The following TPTE variants were observed in gnomAD, a reference collection of about 807,000 sequenced individuals.
TPTE encodes putative tyrosine-protein phosphatase TPTE.
TPTE carries 59 observed loss-of-function variants against 84.1 expected under a neutral mutation model. The observed-to-expected ratio is 0.70, with a 90% CI of 0.57 to 0.87. The LOEUF (loss-of-function observed/expected upper bound fraction) is 0.87. Among genes scored for constraint, TPTE ranks in the 40% least tolerant of loss-of-function variants. TPTE has a pLI of 0.00. For missense variants in TPTE, 382 were observed against 659.6 expected, an observed-to-expected ratio of 0.58 and a Z score of 4.61; for synonymous variants, 130 against 223.5, an observed-to-expected ratio of 0.58 and a Z score of 3.73.
intron 10 of TPTE, among the ~76,000 whole-genome samples, chr21:10,561,406 C>T (rs1412728372): frequency 7.9e-5 from 12 of 151,568 alleles, no homozygotes; most frequent in South Asian, 2.1e-4. Context: ...GCAGGAGAAT[C>T]GTTTGAACCT....
At chr21:10,603,924 G>A (rs1218640244) in intron 23 of TPTE, among the ~76,000 whole-genome samples, 1 of 152,312 alleles carries the variant, frequency 6.6e-6, no homozygotes, top group African/African-American at 2.4e-5. Context: ...TCCCAGAGAA[G>A]TTCAATATGA....
intron 21 of TPTE, among the ~76,000 whole-genome samples, chr21:10,600,126 AT>A (rs1454812954): frequency 6.7e-6 from 1 of 150,112 alleles, no homozygotes; most frequent in Non-Finnish European, 1.5e-5. Flanking sequence ...TGTTTTTCCA[AT>A]TTTTTTCTTT....
intron 3 of TPTE, among the ~76,000 whole-genome samples, chr21:10,537,084 G>T (rs1390195493): frequency 2.6e-5 from 4 of 152,302 alleles, no homozygotes; most frequent in East Asian, 1.9e-4. Flanking sequence ...CACCTATAAT[G>T]GCAAAAACAA....
chr21:10,567,546 C>T lies in TPTE; in HGVS notation c.447-124C>T, dbSNP rs1037327804. 1.4e-5 allele frequency: 21 copies of T among 1,508,110 alleles called. No homozygotes were observed. The South Asian group carries it at 1.4e-4, about 10-fold the overall frequency. The allele number at this position is 1,508,110 out of a possible 1,614,324, so 93.4% of individuals were successfully genotyped here. A position where few individuals can be genotyped will look rare whatever the true frequency, so the allele number is the denominator to read the frequency against. ...TTCCCTTAGTCTACTCTAGAAAATA[C>T]ATTTTAAATAATTCATGATAGTAGA... On this transcript the variant is annotated intron_variant, in intron 10 of 23. Transcript: ENST00000618007.
At chr21:10,551,885 A>G (rs1393915494) in intron 7 of TPTE, among the ~76,000 whole-genome samples, 2 of 152,308 alleles carry the variant, frequency 1.3e-5, no homozygotes, top group African/African-American at 4.8e-5. Context: ...TGAACAGACC[A>G]AAAACAAGTA....
At chr21:10,532,662 T>C (rs1266129144) in intron 3 of TPTE, among the ~76,000 whole-genome samples, 2 of 152,306 alleles carry the variant, frequency 1.3e-5, no homozygotes. Context: ...TATTGCTTCA[T>C]TGTATCCTAC....
At chr21:10,603,320 A>G (rs577615479) in intron 22 of TPTE, among the ~76,000 whole-genome samples, 57 of 152,350 alleles carry the variant, frequency 3.7e-4, no homozygotes, top group African/African-American at 1.3e-3. Context: ...TTAAATACCT[A>G]TCATGGGAAA....
intron 20 of TPTE, among the ~76,000 whole-genome samples, chr21:10,596,703 C>T (rs1273999773): frequency 6.6e-6 from 1 of 152,308 alleles, no homozygotes; most frequent in Non-Finnish European, 1.5e-5. Context: ...TTCAGAACCC[C>T]TAAAGCAAAC....
intron 19 of TPTE, among the ~76,000 whole-genome samples, chr21:10,594,473 C>T (rs1013165807): frequency 6.6e-6 from 1 of 152,306 alleles, no homozygotes. Flanking sequence ...TGAGTGCCTC[C>T]TATGTGTTGG....
chr21:10,547,627 C>T (rs2074492646), intron 7 of TPTE, among the ~76,000 whole-genome samples: 2 of 152,312 alleles, frequency 1.3e-5, no homozygotes, highest in South Asian at 4.1e-4. Context: ...AACACAGCAC[C>T]ATCTGGAGAA....
chr21:10,556,604 T>C (rs2074689080), intron 8 of TPTE, among the ~76,000 whole-genome samples: 1 of 152,424 alleles, frequency 6.6e-6, no homozygotes, highest in Non-Finnish European at 1.5e-5. Flanking sequence ...TTTAGATTCT[T>C]GAGGAATCGC....
chr21:10,522,145 TC>T (rs1182097164), intron 1 of TPTE, among the ~76,000 whole-genome samples: 249 of 152,012 alleles, frequency 1.6e-3, no homozygotes, highest in African/African-American at 5.6e-3. Context: ...CGTTGTCTTG[TC>T]CCCCCCCAGG....
chr21:10,584,921 T>C (rs2145753526), intron 17 of TPTE, among the ~76,000 whole-genome samples: 1 of 152,408 alleles, frequency 6.6e-6, no homozygotes, highest in South Asian at 2.1e-4. Flanking sequence ...TGTGTATTAG[T>C]GACCATTTAT....
At chr21:10,554,456 C>G (rs1420461149) in intron 8 of TPTE, among the ~76,000 whole-genome samples, 7 of 152,302 alleles carry the variant, frequency 4.6e-5, no homozygotes, top group Admixed American at 3.3e-4. Flanking sequence ...ACACTTAACA[C>G]TAGCCATCAT....
intron 14 of TPTE, among the ~76,000 whole-genome samples, 172 bp downstream of exon 14, chr21:10,570,721 C>G (rs3866891): frequency 6.7e-4 from 102 of 151,610 alleles, no homozygotes; most frequent in Non-Finnish European, 1.1e-3. Flanking sequence ...TTACAAACCA[C>G]CCCAAAACTT....
chr21:10,558,558 A>ATG (rs1311089007), intron 8 of TPTE, among the ~76,000 whole-genome samples: 5 of 152,424 alleles, frequency 3.3e-5, no homozygotes, highest in Middle Eastern at 3.4e-3. Flanking sequence ...CTTTTGAGAA[A>ATG]TGTCTGTTCA....
intron 11 of TPTE, among the ~76,000 whole-genome samples, chr21:10,568,318 T>C (rs2074968421): frequency 6.6e-6 from 1 of 152,308 alleles, no homozygotes; most frequent in South Asian, 2.1e-4. Context: ...CATGAGTTTC[T>C]AAAAAATAGC....
intron 20 of TPTE, among the ~76,000 whole-genome samples, chr21:10,597,412 CTTTTTTTTTTTTTT>C (rs146272836): frequency 7.1e-6 from 1 of 139,902 alleles, no homozygotes; most frequent in Non-Finnish European, 1.6e-5. Context: ...TTTCTTTTTT[CTTTTTTTTTTTTTT>C]TTTTTGGAGA....
chr21:10,546,240 A>T (rs570101545), intron 7 of TPTE, among the ~76,000 whole-genome samples: 14 of 152,414 alleles, frequency 9.2e-5, no homozygotes, highest in African/African-American at 3.4e-4. Flanking sequence ...GTGATCTTTG[A>T]TGTTACTATT....
Sources: allele counts gnomAD v4.1 joint callset (sites outside exome capture counted in the v4.1 genomes callset), GRCh38; gene constraint gnomAD v4.1.1; transcripts MANE v1.5; gene names NCBI Gene and HGNC (gene_info 2026-07-23, HGNC 2026-07-21).